Variants in CEP72 observed in about 807,000 individuals in gnomAD.
The protein encoded by CEP72 is centrosomal protein 72.
Under a neutral mutation model 65.7 loss-of-function variants are expected in CEP72, and 78 were observed. The ratio of observed to expected loss-of-function variants is 1.19; its 90% CI spans 0.99 to 1.43. CEP72 has a LOEUF of 1.43. Ranked by LOEUF, CEP72 falls within the 40% of genes most tolerant of loss-of-function variation. The probability of loss-of-function intolerance (pLI) is 0.00; values close to 1 mark genes in which losing one functional copy is unlikely to be tolerated. For synonymous variants in CEP72, 358 were observed against 351.7 expected, an observed-to-expected ratio of 1.02 and a Z score of -0.20; for missense variants, 914 against 832.9, an observed-to-expected ratio of 1.10 and a Z score of -1.20.
intron 3 of CEP72, chr5:665,919 G>GCC (rs773706891): frequency 1.5e-5 from 5 of 344,040 alleles, no homozygotes; most frequent in Non-Finnish European, 2.0e-5. Context: ...CACCTTCCAG[G>GCC]CCCCGCCCCC....
chr5:612,620 G>A, intron 1 of CEP72, 177 bp downstream of exon 1: 2 of 985,340 alleles, frequency 2.0e-6, no homozygotes, highest in African/African-American at 1.7e-5. Context: ...CCCACCCCCC[G>A]TGCCCAGGTG....
At chr5:628,439 G>C (rs895172873) in intron 4 of CEP72, among the ~76,000 whole-genome samples, 9 of 148,832 alleles carry the variant, frequency 6.0e-5, no homozygotes, top group East Asian at 2.0e-4. Flanking sequence ...ATTGGCCCCA[G>C]GACCCAGCGC....
At chr5:662,285 C>T (rs1417784127) in intron 1 of CEP72, 2 of 152,752 alleles carry the variant, frequency 1.3e-5, no homozygotes, top group Non-Finnish European at 2.9e-5. Flanking sequence ...CGGGTGGTGC[C>T]CGGGCCGGGC....
intron 11 of CEP72, among the ~76,000 whole-genome samples, chr5:649,528 T>C (rs868847250): frequency 2.4e-4 from 13 of 55,176 alleles, no homozygotes; most frequent in Admixed American, 4.4e-4. Flanking sequence ...GACTGTGAGG[T>C]GTGGACTGTG....
Position 628,917 on chromosome 5 carries a change from CCCCCTTCTTT to C in CEP72, c.512+4339_512+4348del, listed in dbSNP as rs1737009927. ...CCTGGGGAGTGGCCCCAGGACCCAG[CCCCCTTCTTT>C]GTGCAGCGTTCTGGAGAACTCAGGT... On this transcript the variant is annotated intron_variant, in intron 4 of 11. Coordinates refer to ENST00000264935, the MANE Select transcript of CEP72 (RefSeq NM_018140.4). Among the ~76,000 whole-genome samples, 55 of 120,272 alleles carry C rather than the reference CCCCCTTCTTT, an allele frequency of 4.6e-4. 1 individual carries two copies. The highest frequency in any genetic ancestry group is 2.1e-3 in the African/African-American group (52 of 24,560). The allele number at this position is 120,272 out of a possible 152,430, so 78.9% of individuals were successfully genotyped here.
At chr5:674,529 C>G in the CEP72 span, among the ~76,000 whole-genome samples, 1 of 152,144 alleles carries the variant, frequency 6.6e-6, no homozygotes, top group Non-Finnish European at 1.5e-5. Flanking sequence ...AGAGTGAGTT[C>G]TGGGCTCAGG....
intron 3 of CEP72, among the ~76,000 whole-genome samples, chr5:622,142 G>T (rs546592443): frequency 6.6e-6 from 1 of 152,364 alleles, no homozygotes; most frequent in Admixed American, 6.5e-5. Context: ...GGAAAGAGCT[G>T]TCAGCATGCA....
chr5:654,386 A>G (rs1209868880), downstream of CEP72, among the ~76,000 whole-genome samples: 1 of 129,496 alleles, frequency 7.7e-6, no homozygotes, highest in Non-Finnish European at 1.6e-5. Flanking sequence ...CGCGTTGTGT[A>G]TGTGCACTTG....
At chr5:617,292 G>A (rs1736057279) in intron 1 of CEP72, among the ~76,000 whole-genome samples, 1 of 152,208 alleles carries the variant, frequency 6.6e-6, no homozygotes, top group Non-Finnish European at 1.5e-5. Context: ...CCAGGGCAGT[G>A]GGTCTAATAT....
chr5:671,134 C>G (rs554241989), downstream of CEP72, among the ~76,000 whole-genome samples: 504 of 152,324 alleles, frequency 3.3e-3, 2 homozygotes, highest in South Asian at 8.3e-3. Context: ...ACCGAAGGCT[C>G]CCCCCTGCCT....
chr5:641,111 C>A (rs1425717927), intron 9 of CEP72: 3 of 985,334 alleles, frequency 3.0e-6, no homozygotes, highest in East Asian at 1.1e-4. Context: ...CTCCCTCCTT[C>A]CGTCTCAGCC....
downstream of CEP72, among the ~76,000 whole-genome samples, chr5:668,613 G>A (rs899021594): frequency 6.6e-6 from 1 of 152,252 alleles, no homozygotes; most frequent in Non-Finnish European, 1.5e-5. Flanking sequence ...ACACCCGGCC[G>A]AGCAACGCGG....
intron 1 of CEP72, among the ~76,000 whole-genome samples, chr5:617,141 G>C (rs1054168150): frequency 6.6e-6 from 1 of 152,094 alleles, no homozygotes; most frequent in Non-Finnish European, 1.5e-5. Context: ...CCCAGAGTGG[G>C]ATGTGTAGTA....
the CEP72 span, among the ~76,000 whole-genome samples, chr5:675,465 GGGGGTGCAGTGTGGCCA>G: frequency 2.2e-5 from 1 of 45,466 alleles, no homozygotes; most frequent in African/African-American, 2.6e-4. Context: ...GTGCAGCACA[GGGGGTGCAGTGTGGCCA>G]GGGGTACATT....
Position 620,070 on chromosome 5 carries a change from G to A in CEP72, c.212G>A (p.Gly71Asp). The A allele has an allele frequency of 6.3e-7, 1 of 1,595,926 alleles. No homozygotes were observed. Among genetic ancestry groups the A allele is most frequent in the African/African-American group, 1.3e-5 (1 of 74,752 alleles). The change falls in exon 3 of 12, where the codon GGC becomes GAC. Residue 71 changes from glycine (G) to aspartate (D), a missense_variant and splice_region_variant. Coordinates refer to ENST00000264935, the MANE Select transcript of CEP72 (RefSeq NM_018140.4). ...LSRNSLVSLE[G>D]IQYLTALESL... Reference sequence around the variant, plus strand: ...ATTCACTGTGTTTTCTGTTGACAGGGCATTCAGTACCTGACTGCATTGGAG... The same window carrying A: ...ATTCACTGTGTTTTCTGTTGACAGGACATTCAGTACCTGACTGCATTGGAG...
intron 11 of CEP72, among the ~76,000 whole-genome samples, chr5:649,106 G>GAATGT (rs1561062484): frequency 1.2e-5 from 1 of 81,496 alleles, no homozygotes; most frequent in Non-Finnish European, 2.7e-5. Context: ...TGTGAGGTGT[G>GAATGT]GACTGTGAGG....
At chr5:663,910 CCCCAGGAGGGAGCAGG>C (rs1739789860) in intron 2 of CEP72, 1 of 152,688 alleles carries the variant, frequency 6.5e-6, no homozygotes, top group Non-Finnish European at 1.5e-5. Flanking sequence ...CCGTCAGCCT[CCCCAGGAGGGAGCAGG>C]AGCGCCGGCT....
At chr5:669,261 C>T (rs1285700517), downstream of CEP72, among the ~76,000 whole-genome samples, 2 of 142,010 alleles carry the variant, frequency 1.4e-5, no homozygotes, top group East Asian at 2.2e-4. Context: ...AGCAGCATCC[C>T]CCAGGGGGCG....
At chr5:675,631 A>T in the CEP72 span, among the ~76,000 whole-genome samples, 1 of 151,662 alleles carries the variant, frequency 6.6e-6, no homozygotes, top group South Asian at 2.1e-4. Flanking sequence ...GCAGTGCCAG[A>T]GGTGCAGGCT....
Sources: allele counts gnomAD v4.1 joint callset (sites outside exome capture counted in the v4.1 genomes callset), GRCh38; gene constraint gnomAD v4.1.1; transcripts MANE v1.5; gene names NCBI Gene and HGNC (gene_info 2026-07-23, HGNC 2026-07-21).